The following CD46 variants were observed in gnomAD, a reference collection of about 807,000 sequenced individuals.
CD46 encodes CD46 molecule.
Under a neutral mutation model 53.3 loss-of-function variants are expected in CD46, and 30 were observed. That is an observed-to-expected ratio of 0.56 (90% CI 0.42 to 0.76). The LOEUF (loss-of-function observed/expected upper bound fraction) is 0.76. Ranked by LOEUF, CD46 falls within the 30% of genes least tolerant of loss-of-function variation. CD46 has a pLI of 0.00. For missense variants in CD46, 409 were observed against 463.0 expected, an observed-to-expected ratio of 0.88 and a Z score of 1.07; for synonymous variants, 142 against 152.0, an observed-to-expected ratio of 0.93 and a Z score of 0.48.
At position 207,793,601 on chromosome 1, in the gene CD46, A is replaced by G; in HGVS notation, c.*124A>G. On this transcript the variant is annotated 3_prime_UTR_variant, in exon 13 of 13. Coordinates refer to ENST00000367042, the MANE Select transcript of CD46 (RefSeq NM_172351.3). ...AGAGCAGAGAGGCTGAATAGATTCC[A>G]CAACCTGGTTTGCCAGTTCATCTTT... The G allele has an allele frequency of 1.2e-6, 2 of 1,611,796 alleles. No homozygotes were observed. The highest frequency in any genetic ancestry group is 1.1e-5 in the South Asian group (1 of 91,022).
chr1:207,794,528 T>TAAC lies in CD46; in HGVS notation c.*1052_*1054dup, dbSNP rs1660079964. On this transcript the variant is annotated 3_prime_UTR_variant, in exon 13 of 13. Transcript: ENST00000367042. The stretch of plus-strand genomic sequence containing the variant: ...TTTTGAAGAGAATAAATTCATCAGA[T>TAAC]AACCTCAAGTCACATGAGAATCTTA... 6.6e-6 allele frequency: 1 copy of TAAC among 152,222 alleles called. No individual in the cohort carries two copies. Among genetic ancestry groups the TAAC allele is most frequent in the Non-Finnish European group, 1.5e-5 (1 of 68,042 alleles). 9.4% of individuals were successfully genotyped at this position (152,222 alleles called of 1,614,324 possible).
At chr1:207,758,446 G>C (rs185612518) in intron 3 of CD46, among the ~76,000 whole-genome samples, 1 of 152,074 alleles carries the variant, frequency 6.6e-6, no homozygotes, top group Non-Finnish European at 1.5e-5. Context: ...CAAGGGAGGG[G>C]GTTCTCGCTT....
At chr1:207,783,457 TTGTA>T in intron 9 of CD46, 127 bp downstream of exon 9, 1 of 678,682 alleles carries the variant, frequency 1.5e-6, no homozygotes, top group South Asian at 1.7e-5. Context: ...AATGCTGTGT[TTGTA>T]TGTAGGTTAA....
chr1:207,787,751 A>C (rs879870197), intron 11 of CD46, among the ~76,000 whole-genome samples: 14 of 152,224 alleles, frequency 9.2e-5, no homozygotes, highest in Non-Finnish European at 1.3e-4. Context: ...TTGGAAATTC[A>C]GCATATGTAA....
At position 207,779,913 on chromosome 1, in the gene CD46, C is replaced by CTTTTTTTTTTTTTTTTTTTTTTTTT. The variant is rs66758503; in HGVS notation, c.944-3360_944-3359insTTTTTTTTTTTTTTTTTTTTTTTTT. 7.5e-4 allele frequency among the ~76,000 whole-genome samples: 47 copies of CTTTTTTTTTTTTTTTTTTTTTTTTT among 62,378 alleles called. 8 individuals carry two copies. Among genetic ancestry groups the CTTTTTTTTTTTTTTTTTTTTTTTTT allele is most frequent in the East Asian group, 1.6e-3 (2 of 1,224 alleles). 40.9% of individuals were successfully genotyped at this position (62,378 alleles called of 152,430 possible). On this transcript the variant is annotated intron_variant, in intron 8 of 12. Coordinates refer to ENST00000367042, the MANE Select transcript of CD46 (RefSeq NM_172351.3). The stretch of plus-strand genomic sequence containing the variant: ...TTCTATTCTTGTAGCAAAAGCAAGT[C>CTTTTTTTTTTTTTTTTTTTTTTTTT]TTTTTTTTTTTTTTTTTTTACTGTA...
At chr1:207,769,932 T>G in intron 7 of CD46, 1 of 198,854 alleles carries the variant, frequency 5.0e-6, no homozygotes, top group Admixed American at 5.5e-5. Context: ...TGCCGGCTAA[T>G]TTTTTGTATT....
intron 8 of CD46, among the ~76,000 whole-genome samples, chr1:207,777,061 A>G (rs541089607): frequency 1.3e-5 from 2 of 152,110 alleles, no homozygotes; most frequent in Admixed American, 6.5e-5. Flanking sequence ...TTGAGAGCTC[A>G]TTATGAATTA....
At chr1:207,778,710 C>T (rs1177120406) in intron 8 of CD46, among the ~76,000 whole-genome samples, 1 of 152,136 alleles carries the variant, frequency 6.6e-6, no homozygotes, top group African/African-American at 2.4e-5. Context: ...AGTTTGAAGT[C>T]AGGTAATGTG....
At position 207,759,702 on chromosome 1, in the gene CD46, C is replaced by G; in HGVS notation, c.453C>G (p.Ser151Arg). The G allele has an allele frequency of 6.2e-7, 1 of 1,604,254 alleles. No individual in the cohort carries two copies. The highest frequency in any genetic ancestry group is 8.5e-7 in the Non-Finnish European group (1 of 1,171,436). ...TTAAAGGATCAGTAGCAATTTGGAGCGGTAAGCCCCCAATATGTGAAAGTA... is the reference window on the plus strand; with the variant it reads ...TTAAAGGATCAGTAGCAATTTGGAGGGGTAAGCCCCCAATATGTGAAAGTA... ...CELKGSVAIW[S>R]GKPPICEKVL... is the part of the protein sequence containing the mutation. Residue 151 changes from serine (S) to arginine (R), a missense_variant, in exon 4 of 13, where the codon AGC becomes AGG. Physicochemically the swap from Ser to Arg is moderately radical, Grantham distance 110. Transcript: ENST00000367042.
Position 207,793,713 on chromosome 1 carries a change from C to A in CD46, c.*236C>A. Reference sequence around the variant, plus strand: ...TGGCTTAGCTAATATTGCAATGTGGCTTGAATGTAGGTAGCATCCTTTGAT... The same window carrying A: ...TGGCTTAGCTAATATTGCAATGTGGATTGAATGTAGGTAGCATCCTTTGAT... On this transcript the variant is annotated 3_prime_UTR_variant, in exon 13 of 13. Coordinates refer to ENST00000367042, the MANE Select transcript of CD46 (RefSeq NM_172351.3). 1 of 815,918 alleles carries A rather than the reference C, an allele frequency of 1.2e-6. No individual in the cohort carries two copies. The allele number at this position is 815,918 out of a possible 1,614,324, so 50.5% of individuals were successfully genotyped here. A position where few individuals can be genotyped will look rare whatever the true frequency, so the allele number is the denominator to read the frequency against.
intron 11 of CD46, among the ~76,000 whole-genome samples, chr1:207,786,301 G>A (rs529264267): frequency 6.6e-6 from 1 of 152,100 alleles, no homozygotes; most frequent in African/African-American, 2.4e-5. Flanking sequence ...AGTTAAAATT[G>A]CTGAGAGGGG....
rs781593177 is a variant in CD46, at chr1:207,752,823, G to A, written c.97+514G>A. ...GCTGGGCTGGGCGAGCAGGGGCCTG[G>A]CCAGGTGTTGCTGGGAGCGTGCTGT... On this transcript the variant is annotated intron_variant, in intron 1 of 12. Transcript: ENST00000367042. The surrounding 1 kb of genome is among the most constrained non-coding windows in gnomAD (Gnocchi z 4.1). Among the ~76,000 whole-genome samples the A allele has an allele frequency of 1.3e-5, 2 of 152,168 alleles. No individual in the cohort carries two copies. The highest frequency in any genetic ancestry group is 2.9e-5 in the Non-Finnish European group (2 of 68,034).
chr1:207,763,120 G>T (rs1321772392), intron 5 of CD46: 2 of 152,364 alleles, frequency 1.3e-5, no homozygotes, highest in Non-Finnish European at 2.9e-5. Flanking sequence ...TGGACACACG[G>T]TGCTGACCCA....
intron 7 of CD46, chr1:207,769,937 T>G (rs1424374621): frequency 5.0e-6 from 1 of 199,356 alleles, no homozygotes; most frequent in African/African-American, 2.4e-5. Context: ...GCTAATTTTT[T>G]GTATTTTTAG....
intron 8 of CD46, among the ~76,000 whole-genome samples, chr1:207,774,159 A>G (rs955421196): frequency 3.3e-5 from 5 of 150,334 alleles, no homozygotes; most frequent in Non-Finnish European, 7.4e-5. Flanking sequence ...GTCTCTTTTG[A>G]TCTTTGTTGG....
intron 5 of CD46, among the ~76,000 whole-genome samples, chr1:207,766,122 C>T (rs1355104876): frequency 1.3e-5 from 2 of 152,124 alleles, no homozygotes; most frequent in Admixed American, 1.3e-4. Context: ...CAATGGTTAG[C>T]TGGTTGTGGA....
At chr1:207,793,410 T>C (rs1558087306) in intron 12 of CD46, 109 bp from the exon 13 acceptor site, 2 of 796,360 alleles carry the variant, frequency 2.5e-6, no homozygotes, top group Non-Finnish European at 4.3e-6. Context: ...GGTTGGTGGC[T>C]CATTACTATA....
chr1:207,757,099 T>C lies in CD46; in HGVS notation c.183T>C (p.Asp61=). The C allele has an allele frequency of 6.2e-7, 1 of 1,613,910 alleles. No individual in the cohort carries two copies. The highest frequency in any genetic ancestry group is 1.7e-5 in the Admixed American group (1 of 60,022). The change falls in exon 2 of 13, where the codon GAT becomes GAC. Residue 61 remains aspartate (D), a synonymous_variant. Transcript: ENST00000367042. ...KPYYEIGERV[D]YKCKKGYFYI... ...ACTATGAGATTGGTGAACGAGTAGA[T>C]TATAAGTGTAAAAAAGGATACTTCT...
intron 4 of CD46, 99 bp downstream of exon 4, chr1:207,759,823 G>T: frequency 1.4e-6 from 1 of 702,446 alleles, no homozygotes; most frequent in South Asian, 1.7e-5. Flanking sequence ...AGATCCCAAA[G>T]AGGTTTCTTT....
Sources: gnomAD v4.1 joint callset for allele counts (sites outside exome capture counted in the v4.1 genomes callset) on GRCh38, gnomAD v4.1.1 for gene constraint, Gnocchi (gnomAD v3.1) non-coding constraint, MANE v1.5 for transcripts, NCBI Gene and HGNC (gene_info 2026-07-23, HGNC 2026-07-21) for gene names.